Variants in ARAP2 observed in about 807,000 individuals in gnomAD.
ARAP2 encodes ArfGAP with RhoGAP domain, ankyrin repeat and PH domain 2, also known as arf-GAP with Rho-GAP domain, ANK repeat and PH domain-containing protein 2.
ARAP2 carries 148 observed loss-of-function variants against 194.5 expected under a neutral mutation model. The ratio of observed to expected loss-of-function variants is 0.76; its 90% CI spans 0.67 to 0.87. The LOEUF is 0.87. ARAP2 is among the 40% of genes least tolerant of loss of function. The pLI is 0.00. For missense variants in ARAP2, 2,128 were observed against 1,989.7 expected, an observed-to-expected ratio of 1.07 and a Z score of -1.32; for synonymous variants, 695 against 683.5, an observed-to-expected ratio of 1.02 and a Z score of -0.26.
At chr4:36,018,365 C>T (rs959281384) in intron 6 of ARAP2, among the ~76,000 whole-genome samples, 1 of 151,352 alleles carries the variant, frequency 6.6e-6, no homozygotes, top group African/African-American at 2.4e-5. Context: ...AAGCACCTGG[C>T]TCTGCACTTG....
Position 36,068,179 on chromosome 4 carries a change from A to G in ARAP2, c.4843T>C (p.Cys1615Arg). The change falls in exon 33 of 33, where the codon TGC becomes CGC. Residue 1615 changes from cysteine to arginine, a missense_variant. Physicochemically the swap from Cys to Arg is radical, Grantham distance 180. Coordinates refer to ENST00000303965, the MANE Select transcript of ARAP2 (RefSeq NM_015230.4). ...AGTTTATCGTCCTTGTGCTCCAGGC[A>G]GTGGGCCACCATGGAAGCTCTCTCC... ...LKERASMVAH[C>R]LEHKDDKLRN... 1 of 1,613,906 alleles carries G rather than the reference A, an allele frequency of 6.2e-7. No individual in the cohort carries two copies. The highest frequency in any genetic ancestry group is 1.1e-5 in the South Asian group (1 of 91,064).
intron 32 of ARAP2, among the ~76,000 whole-genome samples, chr4:36,071,070 CATT>C (rs1190360748): frequency 6.6e-6 from 1 of 152,110 alleles, no homozygotes; most frequent in African/African-American, 2.4e-5. Context: ...ACTGCATCAT[CATT>C]CTTTGCTCGT....
rs79076617 is a variant in ARAP2 at position 36,122,063 on chromosome 4, T to C, written c.3747-737A>G. Among the ~76,000 whole-genome samples the C allele has an allele frequency of 5.4e-3, 814 of 151,376 alleles. 11 individuals carry two copies. Among genetic ancestry groups the C allele is most frequent in the African/African-American group, 0.019 (768 of 41,382 alleles). On this transcript the variant is annotated intron_variant, in intron 22 of 32. Coordinates refer to ENST00000303965, the MANE Select transcript of ARAP2 (RefSeq NM_015230.4). ...AAAAAAATAAACCCACAATGAGATA[T>C]CATCTCACACTCACAATAGTCAGAA...
chr4:36,124,302 T>C (rs1393621247), intron 22 of ARAP2, among the ~76,000 whole-genome samples: 1 of 151,818 alleles, frequency 6.6e-6, no homozygotes, highest in East Asian at 1.9e-4. Flanking sequence ...TAATAATTCC[T>C]GCTAAGATTT....
chr4:36,196,618 G>A (rs1357146453), intron 6 of ARAP2, among the ~76,000 whole-genome samples: 3 of 152,046 alleles, frequency 2.0e-5, no homozygotes, highest in East Asian at 3.9e-4. Context: ...ACAAATCCCA[G>A]CCCACAGTGA....
In ARAP2 at chr4:36,121,060, T is replaced by C. The variant is rs190326794; in HGVS notation, c.3894+119A>G. On this transcript the variant is annotated intron_variant, in intron 23 of 32. Coordinates refer to ENST00000303965, the MANE Select transcript of ARAP2 (RefSeq NM_015230.4). Reference sequence around the variant, plus strand: ...TTTAAAAAAATATGACTATTCCTTATTTTATGTATTTCTAAATATGAATAA... The same window carrying C: ...TTTAAAAAAATATGACTATTCCTTACTTTATGTATTTCTAAATATGAATAA... 2.0e-4 allele frequency: 139 copies of C among 711,790 alleles called. No individual in the cohort carries two copies. In the African/African-American group the frequency reaches 2.5e-3, roughly 13 times the overall value. 44.1% of individuals were successfully genotyped at this position (711,790 alleles called of 1,614,324 possible).
At chr4:36,227,706 TACA>T (rs1310854553) in intron 2 of ARAP2, among the ~76,000 whole-genome samples, 3 of 152,098 alleles carry the variant, frequency 2.0e-5, no homozygotes, top group South Asian at 4.1e-4. Flanking sequence ...TTAGTGCCAC[TACA>T]GTAACAGTCA....
intron 5 of ARAP2, among the ~76,000 whole-genome samples, chr4:36,042,178 G>T (rs904657115): frequency 1.3e-5 from 2 of 151,660 alleles, no homozygotes; most frequent in Non-Finnish European, 2.9e-5. Flanking sequence ...TAAAATGAAA[G>T]TTAAAAAAAA....
chr4:36,061,404 G>T (rs1457381150), downstream of ARAP2, among the ~76,000 whole-genome samples: 1 of 152,080 alleles, frequency 6.6e-6, no homozygotes. Context: ...ACATCTCAAT[G>T]AATTCAATTG....
rs73809155 is a variant in ARAP2 at position 36,219,540 on chromosome 4, G to A, written c.906-5060C>T. On this transcript the variant is annotated intron_variant, in intron 2 of 32. Transcript: ENST00000303965. ...TGCAAATGGTCACAAGAGAATTTTG[G>A]GAAAAGTGGAGATGAGTGATGGAAA... is the stretch of plus-strand genomic sequence containing the variant. 6.2e-3 allele frequency among the ~76,000 whole-genome samples: 944 copies of A among 152,222 alleles called. 9 individuals are homozygous for A. The highest frequency in any genetic ancestry group is 0.022 in the African/African-American group (897 of 41,530).
chr4:36,238,863 T>C lies in ARAP2; in HGVS notation c.-160+5316A>G, dbSNP rs78115968. Among the ~76,000 whole-genome samples the C allele has an allele frequency of 8.1e-3, 1,234 of 152,308 alleles. 14 individuals carry two copies. The highest frequency in any genetic ancestry group is 0.02 in the Middle Eastern group (6 of 294). On this transcript the variant is annotated intron_variant, in intron 1 of 32. Coordinates refer to ENST00000303965, the MANE Select transcript of ARAP2 (RefSeq NM_015230.4). ...GTACAATTGATATAATGCAACAATA[T>C]GAAGCCAAAATCAAATAATCAAATA...
intron 8 of ARAP2, among the ~76,000 whole-genome samples, chr4:36,184,603 C>G (rs764595929): frequency 1.3e-5 from 2 of 152,156 alleles, no homozygotes; most frequent in Non-Finnish European, 2.9e-5. Context: ...TTGGTACACT[C>G]TACTTAAATA....
At chr4:36,186,496 C>T (rs1740600918) in intron 8 of ARAP2, among the ~76,000 whole-genome samples, 1 of 152,196 alleles carries the variant, frequency 6.6e-6, no homozygotes, top group African/African-American at 2.4e-5. Flanking sequence ...GATTACTGTG[C>T]CTGTGCGGTC....
At chr4:36,108,027 C>A (rs1577911278) in intron 26 of ARAP2, among the ~76,000 whole-genome samples, 1 of 151,540 alleles carries the variant, frequency 6.6e-6, no homozygotes, top group South Asian at 2.1e-4. Flanking sequence ...TTGTACAATA[C>A]ATTATTATTA....
intron 23 of ARAP2, 146 bp from the exon 24 acceptor site, chr4:36,119,864 G>A: frequency 3.9e-6 from 2 of 515,808 alleles, no homozygotes; most frequent in Admixed American, 3.3e-5. Flanking sequence ...AGCCCACACA[G>A]CTAGGGTGGA....
intron 5 of ARAP2, among the ~76,000 whole-genome samples, chr4:36,035,258 G>T (rs1719715180): frequency 6.6e-6 from 1 of 152,036 alleles, no homozygotes; most frequent in Non-Finnish European, 1.5e-5. Context: ...CAATTTCAGA[G>T]CTTGTTATCA....
chr4:36,010,417 C>A (rs1005316527), intron 9 of ARAP2, among the ~76,000 whole-genome samples: 5 of 151,966 alleles, frequency 3.3e-5, no homozygotes, highest in East Asian at 1.9e-4. Flanking sequence ...CCCTGACCAA[C>A]CCCCTATGAC....
At chr4:36,063,224 C>T (rs1249348034), downstream of ARAP2, among the ~76,000 whole-genome samples, 1 of 151,894 alleles carries the variant, frequency 6.6e-6, no homozygotes, top group Non-Finnish European at 1.5e-5. Flanking sequence ...AAGCAAACAC[C>T]GCATGTTCTC....
intron 5 of ARAP2, among the ~76,000 whole-genome samples, chr4:36,040,300 A>G (rs938365812): frequency 6.6e-6 from 1 of 152,220 alleles, no homozygotes; most frequent in Non-Finnish European, 1.5e-5. Flanking sequence ...ATGTGGACAC[A>G]AAACACATAC....
Sources: gnomAD v4.1 joint callset for allele counts (sites outside exome capture counted in the v4.1 genomes callset) on GRCh38, gnomAD v4.1.1 for gene constraint, MANE v1.5 for transcripts, NCBI Gene and HGNC (gene_info 2026-07-23, HGNC 2026-07-21) for gene names.